SYNPO2: variants seen among roughly 807,000 people sequenced by gnomAD.
SYNPO2 encodes the protein synaptopodin 2, also known as synaptopodin-2.
In SYNPO2, 56 loss-of-function variants were observed where a neutral mutation model predicts 85.0. The observed-to-expected ratio is 0.66, with a 90% CI of 0.53 to 0.82. The LOEUF (loss-of-function observed/expected upper bound fraction) is 0.82, where lower values mean the gene tolerates loss of function less well. Ranked by LOEUF, SYNPO2 falls within the 40% of genes least tolerant of loss-of-function variation. The probability of loss-of-function intolerance (pLI) is 0.00; values close to 1 mark genes in which losing one functional copy is unlikely to be tolerated. For synonymous variants in SYNPO2, 602 were observed against 591.1 expected, an observed-to-expected ratio of 1.02 and a Z score of -0.27; for missense variants, 1,575 against 1,534.2, an observed-to-expected ratio of 1.03 and a Z score of -0.44.
chr4:118,880,316 G>T (rs2149110043), intron 1 of SYNPO2, among the ~76,000 whole-genome samples: 1 of 152,288 alleles, frequency 6.6e-6, no homozygotes, highest in East Asian at 1.9e-4. Flanking sequence ...GGGGAATTAT[G>T]TCCCTCCAAG....
intron 1 of SYNPO2, among the ~76,000 whole-genome samples, chr4:118,994,822 A>C (rs1438407518): frequency 2.0e-5 from 3 of 152,168 alleles, no homozygotes; most frequent in African/African-American, 7.2e-5. Flanking sequence ...TTAATTTTTA[A>C]AATTTTGGCA....
At chr4:118,923,362 A>G (rs1197691747) in intron 1 of SYNPO2, among the ~76,000 whole-genome samples, 1 of 152,060 alleles carries the variant, frequency 6.6e-6, no homozygotes, top group Non-Finnish European at 1.5e-5. Flanking sequence ...ATGAACACAA[A>G]GAAGGAAACA....
chr4:118,922,286 C>A (rs962930496), intron 1 of SYNPO2, among the ~76,000 whole-genome samples: 2 of 151,886 alleles, frequency 1.3e-5, no homozygotes, highest in African/African-American at 4.8e-5. Flanking sequence ...AGTAGATGTA[C>A]GTCTGCATGA....
intron 4 of SYNPO2, chr4:119,038,226 G>C: frequency 1.0e-6 from 1 of 984,838 alleles, no homozygotes; most frequent in Non-Finnish European, 1.2e-6. Context: ...AGAGCCTACT[G>C]TCTCTGCTTT....
At chr4:118,935,728 A>G (rs1734078447) in intron 1 of SYNPO2, among the ~76,000 whole-genome samples, 1 of 152,280 alleles carries the variant, frequency 6.6e-6, no homozygotes, top group Admixed American at 6.5e-5. Flanking sequence ...CTTACCAATA[A>G]CATAAACAGT....
At chr4:118,990,837 T>C (rs1736390264) in intron 1 of SYNPO2, among the ~76,000 whole-genome samples, 1 of 152,148 alleles carries the variant, frequency 6.6e-6, no homozygotes, top group Non-Finnish European at 1.5e-5. Flanking sequence ...TCTGTTTTCC[T>C]GACCTCAAGT....
intron 1 of SYNPO2, among the ~76,000 whole-genome samples, chr4:118,924,764 C>G (rs1327473688): frequency 1.3e-5 from 2 of 152,170 alleles, no homozygotes. Flanking sequence ...ATTGGACAAT[C>G]TATCCTGCTG....
chr4:119,038,206 T>A lies in SYNPO2; in HGVS notation c.3252+6179T>A, dbSNP rs1048251591. 6.9e-5 allele frequency: 68 copies of A among 985,258 alleles called. 1 individual carries two copies. Among genetic ancestry groups the A allele is most frequent in the Non-Finnish European group, 8.4e-6 (7 of 829,944 alleles). The allele number at this position is 985,258 out of a possible 1,614,324, so 61.0% of individuals were successfully genotyped here. ...CTGCTTAATTGTGAATTTCCCAAAC[T>A]GATTCACCAAGAGCCTACTGTCTCT... On this transcript the variant is annotated intron_variant, in intron 4 of 4. Coordinates refer to ENST00000307142, the MANE Select transcript of SYNPO2 (RefSeq NM_133477.3).
chr4:118,902,293 G>A (rs558263574), intron 1 of SYNPO2, among the ~76,000 whole-genome samples: 4 of 152,164 alleles, frequency 2.6e-5, no homozygotes, highest in East Asian at 1.9e-4. Flanking sequence ...ACCTGTATTC[G>A]TCCATTTTCA....
chr4:119,010,620 A>G (rs565409658), intron 1 of SYNPO2, among the ~76,000 whole-genome samples: 49 of 152,312 alleles, frequency 3.2e-4, no homozygotes, highest in African/African-American at 1.1e-3. Context: ...CTTGCCTGCT[A>G]TGTGCTATGT....
At chr4:118,993,129 C>G (rs777232700) in intron 1 of SYNPO2, among the ~76,000 whole-genome samples, 1 of 152,118 alleles carries the variant, frequency 6.6e-6, no homozygotes, top group African/African-American at 2.4e-5. Flanking sequence ...AAGAGAATTA[C>G]TTACATTGTC....
Position 118,923,210 on chromosome 4 carries a change from G to A in SYNPO2, c.105+34069G>A, listed in dbSNP as rs542715724. On this transcript the variant is annotated intron_variant, in intron 1 of 4. Transcript: ENST00000307142. The stretch of plus-strand genomic sequence containing the variant: ...CATATACACCATGGAATACCGTGTA[G>A]CCATAAAAAAGAACAAGATCATGAC... Among the ~76,000 whole-genome samples, 8 of 152,164 alleles carry A rather than the reference G, an allele frequency of 5.3e-5. No homozygotes were observed. The South Asian group carries it at 1.2e-3, about 24-fold the overall frequency.
chr4:118,858,574 C>A (rs1289327683), intron 1 of SYNPO2, among the ~76,000 whole-genome samples: 1 of 152,092 alleles, frequency 6.6e-6, no homozygotes, highest in African/African-American at 2.4e-5. Context: ...AGGGGTAAAT[C>A]AGAGCCAGTG....
exon 1 of SYNPO2, chr4:118,850,706 A>G (rs1423963405): frequency 2.0e-5 from 8 of 398,544 alleles, no homozygotes; most frequent in Admixed American, 1.3e-4. Context: ...CCTTCAAAAT[A>G]TTCAGAACAT....
At chr4:119,038,977 G>A (rs1738623866) in intron 4 of SYNPO2, among the ~76,000 whole-genome samples, 2 of 151,694 alleles carry the variant, frequency 1.3e-5, no homozygotes, top group African/African-American at 4.8e-5. Flanking sequence ...TCTAAACATG[G>A]GTTTGGAACA....
At chr4:118,967,840 G>T (rs1735373662) in intron 1 of SYNPO2, among the ~76,000 whole-genome samples, 1 of 138,592 alleles carries the variant, frequency 7.2e-6, no homozygotes, top group African/African-American at 2.7e-5. Context: ...AATTCTTCTT[G>T]ATTTGAAAAA....
chr4:118,967,041 A>G (rs942243505), intron 1 of SYNPO2, among the ~76,000 whole-genome samples: 2 of 152,216 alleles, frequency 1.3e-5, no homozygotes, highest in East Asian at 1.9e-4. Flanking sequence ...TGTTCCAGAC[A>G]GGCACTAAAT....
intron 1 of SYNPO2, among the ~76,000 whole-genome samples, chr4:118,962,723 A>G (rs1735153410): frequency 1.3e-5 from 2 of 152,192 alleles, no homozygotes; most frequent in African/African-American, 4.8e-5. Flanking sequence ...AAAAGCTTCC[A>G]TCTGCCCCAA....
intron 1 of SYNPO2, among the ~76,000 whole-genome samples, chr4:118,930,519 G>T (rs754522757): frequency 1.9e-4 from 29 of 152,192 alleles, no homozygotes; most frequent in Admixed American, 2.6e-4. Context: ...TTTCCTATTT[G>T]CAGCAAAGGG....
Sources: allele counts gnomAD v4.1 joint callset (sites outside exome capture counted in the v4.1 genomes callset), GRCh38; gene constraint gnomAD v4.1.1; transcripts MANE v1.5; gene names NCBI Gene and HGNC (gene_info 2026-07-23, HGNC 2026-07-21).